FXR2: variants seen among roughly 807,000 people sequenced by gnomAD.
FXR2 encodes the protein FMR1 autosomal homolog 2.
Under a neutral mutation model 87.3 loss-of-function variants are expected in FXR2, and 9 were observed. The observed-to-expected ratio is 0.10, with a 90% CI of 0.06 to 0.18. The LOEUF (loss-of-function observed/expected upper bound fraction) is 0.18, where lower values mean the gene tolerates loss of function less well. FXR2 is among the 10% of genes least tolerant of loss of function. FXR2 has a pLI of 1.00. For missense variants in FXR2, 661 were observed against 893.6 expected (o/e 0.74, Z 3.32); for synonymous variants, 331 against 328.3 (o/e 1.01, Z -0.09).
chr17:7,591,942 A>G lies in FXR2; in HGVS notation c.1927-17T>C, dbSNP rs756637075. 2 of 1,478,702 alleles carry G rather than the reference A, an allele frequency of 1.4e-6. No homozygotes were observed. The highest frequency in any genetic ancestry group is 4.5e-5 in the East Asian group (2 of 44,164). 91.6% of individuals were successfully genotyped at this position (1,478,702 alleles called of 1,614,324 possible). On this transcript the variant is annotated splice_polypyrimidine_tract_variant and intron_variant, in intron 16 of 16. Transcript: ENST00000250113. This position sits in a 1 kb window ranked among gnomAD's most constrained non-coding sequence, Gnocchi z 4.0. ...AGAGTCACCCTGAGGGGAAAGTGGG[A>G]AAGAAAACAGAAAAGCAAGAAGCGG... is the stretch of plus-strand genomic sequence containing the variant.
rs2071667295 is a variant in FXR2, at chr17:7,592,144, A to C, written c.1926+110T>G. ...AGTTTACACTGGTCTAAACTCCATCAGACACAGCTGCCTCTGCAATTCAGT... is the reference window on the plus strand; with the variant it reads ...AGTTTACACTGGTCTAAACTCCATCCGACACAGCTGCCTCTGCAATTCAGT... On this transcript the variant is annotated intron_variant, in intron 16 of 16. Coordinates refer to ENST00000250113, the MANE Select transcript of FXR2 (RefSeq NM_004860.4). This position sits in a 1 kb window ranked among gnomAD's most constrained non-coding sequence, Gnocchi z 4.8. The C allele has an allele frequency of 6.5e-7, 1 of 1,538,386 alleles. No homozygotes were observed. Among genetic ancestry groups the C allele is most frequent in the South Asian group, 1.3e-5 (1 of 79,162 alleles).
chr17:7,610,076 A>C (rs2071850905), intron 1 of FXR2, among the ~76,000 whole-genome samples: 1 of 150,604 alleles, frequency 6.6e-6, no homozygotes, highest in South Asian at 2.1e-4. Flanking sequence ...ATATATATAA[A>C]TTAGCCAGGC....
In FXR2 at chr17:7,594,415, C is replaced by A. The variant is rs1370024932; in HGVS notation, c.911-68G>T. 9 of 946,898 alleles carry A rather than the reference C, an allele frequency of 9.5e-6. No individual in the cohort carries two copies. The Admixed American group carries it at 1.5e-4, about 15-fold the overall frequency. 58.7% of individuals were successfully genotyped at this position (946,898 alleles called of 1,614,324 possible). On this transcript the variant is annotated intron_variant, in intron 9 of 16. Transcript: ENST00000250113. The surrounding 1 kb of genome is among the most constrained non-coding windows in gnomAD (Gnocchi z 5.1). Reference sequence around the variant, plus strand: ...AGGAAATAAGAATAAAGCTGATACACCGTCTTCCAGCCTCATTTTCTTTAT... The same window carrying A: ...AGGAAATAAGAATAAAGCTGATACAACGTCTTCCAGCCTCATTTTCTTTAT...
At chr17:7,601,296 C>T in intron 7 of FXR2, 113 bp downstream of exon 7, 1 of 672,062 alleles carries the variant, frequency 1.5e-6, no homozygotes, top group Admixed American at 2.2e-5. Flanking sequence ...GGTTTAATTG[C>T]CCAGAAAAAG....
intron 7 of FXR2, 69 bp from the exon 8 acceptor site, chr17:7,596,063 C>A: frequency 1.6e-6 from 2 of 1,225,580 alleles, no homozygotes; most frequent in South Asian, 1.3e-5. Flanking sequence ...CGACCCTTTG[C>A]ATAACTTAAA....
chr17:7,599,984 G>A (rs1478258257), intron 7 of FXR2, among the ~76,000 whole-genome samples: 1 of 147,414 alleles, frequency 6.8e-6, no homozygotes, highest in East Asian at 2.0e-4. Flanking sequence ...TGCAACCTCC[G>A]CCTCCCAGGT....
chr17:7,606,258 G>T, intron 1 of FXR2, 109 bp from the exon 2 acceptor site: 1 of 701,314 alleles, frequency 1.4e-6, no homozygotes. Context: ...GTTTTAGATA[G>T]GGACACAAGT....
rs2071780278 is a variant in FXR2 at position 7,603,877 on chromosome 17, T to C, written c.329A>G (p.Asp110Gly). ...GGTAACAATTTCATTGTAGGTGGCA[T>C]CACAGGCAGCATATTCAATGACATA... ...DFYVIEYAACDATYNEIVTLE... is the reference protein window; with the variant it reads ...DFYVIEYAACGATYNEIVTLE... Residue 110 changes from aspartate (D) to glycine (G), a missense_variant, in exon 5 of 17, where the codon GAT becomes GGT. Physicochemically the swap from Asp to Gly is moderately conservative, Grantham distance 94 (BLOSUM62 -1). Around this residue, in one of 3 missense-constraint regions of FXR2, gnomAD observed 170 missense variants for 247.2 expected, o/e 0.69. Coordinates refer to ENST00000250113, the MANE Select transcript of FXR2 (RefSeq NM_004860.4). 1 of 1,613,836 alleles carries C rather than the reference T, an allele frequency of 6.2e-7. No homozygotes were observed.
intron 6 of FXR2, 129 bp from the exon 7 acceptor site, chr17:7,601,654 C>A: frequency 1.6e-6 from 1 of 625,914 alleles, no homozygotes; most frequent in Non-Finnish European, 2.9e-6. Context: ...GGAGACCGGG[C>A]GCGGTGGCTC....
chr17:7,604,647 C>T (rs929634225), intron 3 of FXR2, among the ~76,000 whole-genome samples: 3 of 148,646 alleles, frequency 2.0e-5, no homozygotes, highest in East Asian at 2.1e-4. Context: ...GCTGAGACCG[C>T]GCCACTGCAC....
chr17:7,614,539 G>C lies in FXR2; in HGVS notation c.-7C>G. On this transcript the variant is annotated 5_prime_UTR_variant, in exon 1 of 17. Coordinates refer to ENST00000250113, the MANE Select transcript of FXR2 (RefSeq NM_004860.4). ...CAGAGGCCAGGCCGCCCATGGCGCC[G>C]CCACCGCCTCCGACTCCCCCGGCGG... The C allele has an allele frequency of 1.4e-6, 2 of 1,470,196 alleles. No individual in the cohort carries two copies. The highest frequency in any genetic ancestry group is 1.8e-6 in the Non-Finnish European group (2 of 1,111,992). The allele number at this position is 1,470,196 out of a possible 1,614,324, so 91.1% of individuals were successfully genotyped here.
At position 7,591,734 on chromosome 17, in the gene FXR2, A is replaced by G. The variant is rs1206613804; in HGVS notation, c.*96T>C. On this transcript the variant is annotated 3_prime_UTR_variant, in exon 17 of 17. Transcript: ENST00000250113. The surrounding 1 kb of genome is among the most constrained non-coding windows in gnomAD (Gnocchi z 4.0). ...GCTGTGCCACCCCCCTCCCCCCTAGATAAGAGCAGCTCCAGCGCAGGTCAG... is the reference window on the plus strand; with the variant it reads ...GCTGTGCCACCCCCCTCCCCCCTAGGTAAGAGCAGCTCCAGCGCAGGTCAG... 7 of 755,604 alleles carry G rather than the reference A, an allele frequency of 9.3e-6. No individual in the cohort carries two copies. The highest frequency in any genetic ancestry group is 1.4e-5 in the Non-Finnish European group (6 of 418,224). 46.8% of individuals were successfully genotyped at this position (755,604 alleles called of 1,614,324 possible).
intron 1 of FXR2, among the ~76,000 whole-genome samples, chr17:7,609,973 T>TATACATATATATATACATGTATAC (rs2071842337): frequency 1.9e-5 from 2 of 102,672 alleles, no homozygotes; most frequent in East Asian, 2.1e-4. Context: ...TACATGTATA[T>TATACATATATATATACATGTATAC]GTATACATAT....
intron 1 of FXR2, among the ~76,000 whole-genome samples, chr17:7,610,321 A>G (rs2071853303): frequency 6.6e-6 from 1 of 152,152 alleles, no homozygotes; most frequent in Admixed American, 6.6e-5. Flanking sequence ...CAGAGATGAG[A>G]ATCACTAATT....
At chr17:7,596,870 A>C (rs867226725) in intron 7 of FXR2, among the ~76,000 whole-genome samples, 36 of 152,188 alleles carry the variant, frequency 2.4e-4, no homozygotes, top group African/African-American at 7.5e-4. Flanking sequence ...TGGGAGGCTG[A>C]GGCAGGTGGA....
chr17:7,591,985 G>A lies in FXR2; in HGVS notation c.1927-60C>T. On this transcript the variant is annotated intron_variant, in intron 16 of 16. Transcript: ENST00000250113. The surrounding 1 kb of genome is among the most constrained non-coding windows in gnomAD (Gnocchi z 4.0). ...AGAAGCGGTGAGTAGAAATTCAGGT[G>A]GGAGACATTCCCTACCATCCAAGCC... The A allele has an allele frequency of 4.9e-6, 6 of 1,229,254 alleles. No homozygotes were observed. Among genetic ancestry groups the A allele is most frequent in the Non-Finnish European group, 7.0e-6 (6 of 858,800 alleles). 76.1% of individuals were successfully genotyped at this position (1,229,254 alleles called of 1,614,324 possible). A position where few individuals can be genotyped will look rare whatever the true frequency, so the allele number is the denominator to read the frequency against.
intron 7 of FXR2, 76 bp from the exon 8 acceptor site, chr17:7,596,070 T>C: frequency 9.3e-7 from 1 of 1,077,658 alleles, no homozygotes; most frequent in Non-Finnish European, 1.4e-6. Context: ...TTGCATAACT[T>C]AAATAAGGAA....
At chr17:7,604,721 C>CTT (rs202152843) in intron 3 of FXR2, among the ~76,000 whole-genome samples, 15 of 130,536 alleles carry the variant, frequency 1.1e-4, no homozygotes, top group East Asian at 4.8e-4. Context: ...TGGGATGCAT[C>CTT]TTTTTTTTTT....
chr17:7,608,393 A>C (rs917769747), intron 1 of FXR2, among the ~76,000 whole-genome samples: 1 of 150,794 alleles, frequency 6.6e-6, no homozygotes, highest in African/African-American at 2.4e-5. Flanking sequence ...TGAGTTCGAG[A>C]CTAGTCTGGC....
Sources: allele counts gnomAD v4.1 joint callset (sites outside exome capture counted in the v4.1 genomes callset), GRCh38; gene constraint gnomAD v4.1.1; regional missense constraint gnomAD v4.1.1; non-coding constraint Gnocchi (gnomAD v3.1); transcripts MANE v1.5; gene names NCBI Gene and HGNC (gene_info 2026-07-23, HGNC 2026-07-21).